SLC24A3: variants seen among roughly 807,000 people sequenced by gnomAD.
SLC24A3 encodes solute carrier family 24 member 3.
In SLC24A3, 28 loss-of-function variants were observed where a neutral mutation model predicts 75.8. The observed-to-expected ratio is 0.37, with a 90% CI of 0.27 to 0.51. The LOEUF is 0.51. Ranked by LOEUF, SLC24A3 falls within the 20% of genes least tolerant of loss-of-function variation. The pLI is 0.94. For synonymous variants in SLC24A3, 372 were observed against 334.1 expected (o/e 1.11, Z -1.24); for missense variants, 663 against 847.8 (o/e 0.78, Z 2.71).
intron 2 of SLC24A3, among the ~76,000 whole-genome samples, chr20:19,347,175 C>T (rs1488138472): frequency 6.6e-6 from 1 of 152,102 alleles, no homozygotes; most frequent in Non-Finnish European, 1.5e-5. Context: ...TAAAACTGTA[C>T]AGACAGTAGA....
At chr20:19,464,585 G>T (rs1671264749) in intron 2 of SLC24A3, among the ~76,000 whole-genome samples, 1 of 152,190 alleles carries the variant, frequency 6.6e-6, no homozygotes, top group African/African-American at 2.4e-5. Context: ...TGCTGTCAGT[G>T]ATTTTTTTTC....
At chr20:19,334,443 A>G (rs1985079605) in intron 2 of SLC24A3, among the ~76,000 whole-genome samples, 1 of 152,200 alleles carries the variant, frequency 6.6e-6, no homozygotes, top group African/African-American at 2.4e-5. Context: ...AAAAAAAAGA[A>G]TTCTGTAATG....
chr20:19,435,561 AG>A (rs767370530), intron 2 of SLC24A3, among the ~76,000 whole-genome samples: 5 of 152,210 alleles, frequency 3.3e-5, no homozygotes, highest in African/African-American at 4.8e-5. Context: ...CTGGACAGTT[AG>A]GGGTATCCCA....
At chr20:19,395,566 T>C (rs1226047486) in intron 2 of SLC24A3, among the ~76,000 whole-genome samples, 1 of 152,216 alleles carries the variant, frequency 6.6e-6, no homozygotes, top group Non-Finnish European at 1.5e-5. Context: ...TTAGACAAGA[T>C]AGTTCCTGCT....
intron 2 of SLC24A3, among the ~76,000 whole-genome samples, chr20:19,370,726 T>C (rs1301237036): frequency 6.6e-6 from 1 of 152,044 alleles, no homozygotes; most frequent in African/African-American, 2.4e-5. Flanking sequence ...GCAGGAGAAA[T>C]AGGAGGTTTG....
chr20:19,669,147 G>A (rs2122725146), intron 8 of SLC24A3, among the ~76,000 whole-genome samples: 1 of 152,308 alleles, frequency 6.6e-6, no homozygotes, highest in East Asian at 1.9e-4. Flanking sequence ...GCAGGGAAGA[G>A]GCAGGGGAAT....
At chr20:19,584,874 C>G in intron 4 of SLC24A3, 97 bp from the exon 5 acceptor site, 4 of 1,107,136 alleles carry the variant, frequency 3.6e-6, no homozygotes, top group Admixed American at 2.0e-5. Context: ...AAGCCCCAGT[C>G]TTTGCTTCTC....
chr20:19,667,529 C>A (rs62200292), intron 8 of SLC24A3, among the ~76,000 whole-genome samples: 1,593 of 152,334 alleles, frequency 0.01, 15 homozygotes, highest in Non-Finnish European at 0.015. Flanking sequence ...TGGTGCTAGT[C>A]TTTGCTAATG....
chr20:19,418,703 T>C (rs1171280859), intron 2 of SLC24A3, among the ~76,000 whole-genome samples: 1 of 151,598 alleles, frequency 6.6e-6, no homozygotes, highest in Non-Finnish European at 1.5e-5. Context: ...AATAATATAA[T>C]AAACATCACT....
chr20:19,595,281 C>T (rs1347040314), intron 6 of SLC24A3, among the ~76,000 whole-genome samples: 1 of 152,186 alleles, frequency 6.6e-6, no homozygotes, highest in African/African-American at 2.4e-5. Flanking sequence ...CCCGTCTCTG[C>T]CTGTTCCTTA....
At chr20:19,595,320 A>G (rs1240878910) in intron 6 of SLC24A3, among the ~76,000 whole-genome samples, 1 of 152,176 alleles carries the variant, frequency 6.6e-6, no homozygotes, top group African/African-American at 2.4e-5. Context: ...CAGTAGTGTC[A>G]CATATGGTAA....
intron 2 of SLC24A3, among the ~76,000 whole-genome samples, chr20:19,313,770 A>ATGGG (rs985201224): frequency 5.5e-4 from 83 of 152,234 alleles, no homozygotes; most frequent in African/African-American, 2.0e-3. Flanking sequence ...TCACGGTGAT[A>ATGGG]TGGGGCAAGT....
intron 6 of SLC24A3, among the ~76,000 whole-genome samples, chr20:19,621,340 C>T (rs2122675695): frequency 6.6e-6 from 1 of 152,228 alleles, no homozygotes; most frequent in East Asian, 1.9e-4. Context: ...TGACTCATCC[C>T]CTCAACAGTA....
In SLC24A3 at chr20:19,721,435, C is replaced by G; in HGVS notation, c.*295C>G. 1 of 341,340 alleles carries G rather than the reference C, an allele frequency of 2.9e-6. No individual in the cohort carries two copies. Among genetic ancestry groups the G allele is most frequent in the South Asian group, 5.9e-5 (1 of 17,086 alleles). The allele number at this position is 341,340 out of a possible 1,614,324, so 21.1% of individuals were successfully genotyped here. The stretch of plus-strand genomic sequence containing the variant: ...GTGACTGAGATTCTAGAAAAACTGG[C>G]TGCTAACTGGCCTGAGCCAGGCAAC... On this transcript the variant is annotated 3_prime_UTR_variant, in exon 17 of 17. Coordinates refer to ENST00000328041, the MANE Select transcript of SLC24A3 (RefSeq NM_020689.4).
intron 12 of SLC24A3, 100 bp from the exon 13 acceptor site, chr20:19,693,159 G>T (rs2032764771): frequency 1.6e-6 from 2 of 1,275,528 alleles, no homozygotes; most frequent in South Asian, 1.6e-5. Context: ...TTAATTCTGG[G>T]GAAAGCAGTA....
At chr20:19,583,077 G>A (rs989066432) in intron 4 of SLC24A3, among the ~76,000 whole-genome samples, 3 of 152,166 alleles carry the variant, frequency 2.0e-5, no homozygotes, top group Admixed American at 2.0e-4. Context: ...GAGGAAACTA[G>A]ATCACACACA....
At chr20:19,626,095 C>T (rs1321347) in intron 6 of SLC24A3, among the ~76,000 whole-genome samples, 66,614 of 151,882 alleles carry the variant, frequency 0.44, 17,788 homozygotes, top group African/African-American at 0.76. Flanking sequence ...TTTAATATTA[C>T]TTGGATTCAT....
intron 2 of SLC24A3, among the ~76,000 whole-genome samples, chr20:19,294,542 C>G (rs772040450): frequency 1.6e-4 from 25 of 152,268 alleles, no homozygotes; most frequent in Admixed American, 4.6e-4. Context: ...GTTTGGTTTT[C>G]CGTGCTTGCA....
intron 2 of SLC24A3, among the ~76,000 whole-genome samples, chr20:19,363,901 G>A (rs1464051535): frequency 6.6e-5 from 10 of 152,154 alleles, no homozygotes. Context: ...CATTTTCTCT[G>A]AAGCAATGAG....
Sources: allele counts gnomAD v4.1 joint callset (sites outside exome capture counted in the v4.1 genomes callset), GRCh38; gene constraint gnomAD v4.1.1; transcripts MANE v1.5; gene names NCBI Gene and HGNC (gene_info 2026-07-23, HGNC 2026-07-21).